Variants in JMJD1C observed in about 807,000 individuals in gnomAD.
The protein encoded by JMJD1C is jumonji domain-containing protein 1C.
In JMJD1C, 31 loss-of-function variants were observed where a neutral mutation model predicts 245.3. The ratio of observed to expected loss-of-function variants is 0.13; its 90% confidence interval spans 0.09 to 0.17. The LOEUF (loss-of-function observed/expected upper bound fraction) is 0.17, where lower values mean the gene tolerates loss of function less well. Among genes scored for constraint, JMJD1C ranks in the 10% least tolerant of loss-of-function variants. The pLI is 1.00. For missense variants in JMJD1C, 2,691 were observed against 3,000.2 expected (o/e 0.90, Z 2.41); for synonymous variants, 1,057 against 1,017.4 (o/e 1.04, Z -0.74).
At chr10:63,253,546 G>C (rs1853406748) in intron 3 of JMJD1C, among the ~76,000 whole-genome samples, 1 of 152,074 alleles carries the variant, frequency 6.6e-6, no homozygotes, top group Admixed American at 6.5e-5. Context: ...ACCATGTCCA[G>C]CTAATTTTTT....
Position 63,193,342 on chromosome 10 carries a change from C to A in JMJD1C, c.5862+3G>T. 1 of 1,584,388 alleles carries A rather than the reference C, an allele frequency of 6.3e-7. No individual in the cohort carries two copies. The highest frequency in any genetic ancestry group is 1.2e-5 in the South Asian group (1 of 85,542). On this transcript the variant is annotated splice_donor_region_variant and intron_variant, in intron 15 of 25. Transcript: ENST00000399262. ...ATTTGAATAACCAGAGATTTTTACT[C>A]ACTTGAGATACACCATTCATTGTAG...
intron 1 of JMJD1C, among the ~76,000 whole-genome samples, chr10:63,429,662 T>C (rs1413112314): frequency 6.6e-6 from 1 of 152,172 alleles, no homozygotes; most frequent in Non-Finnish European, 1.5e-5. Context: ...ATTTGCCAGT[T>C]GAGAAAGCAG....
chr10:63,411,970 T>C (rs1411642216), intron 1 of JMJD1C, among the ~76,000 whole-genome samples: 4 of 148,630 alleles, frequency 2.7e-5, no homozygotes, highest in Non-Finnish European at 6.0e-5. Context: ...AGACTGCTCT[T>C]GAACTCCTGA....
intron 2 of JMJD1C, among the ~76,000 whole-genome samples, chr10:63,355,040 AT>A (rs1170451037): frequency 2.0e-5 from 3 of 152,038 alleles, no homozygotes; most frequent in African/African-American, 7.2e-5. Flanking sequence ...GAATAAACAA[AT>A]AAATAAAGAT....
chr10:63,192,924 T>C lies in JMJD1C; in HGVS notation c.6076+14A>G. On this transcript the variant is annotated intron_variant, in intron 16 of 25. Transcript: ENST00000399262. ...ACTCCTCTCACACATGCCTAGATAA[T>C]CAATTATGTTTACCTTTTTTTTCCT... is the stretch of plus-strand genomic sequence containing the variant. The C allele has an allele frequency of 6.3e-7, 1 of 1,586,304 alleles. No individual in the cohort carries two copies. Among genetic ancestry groups the C allele is most frequent in the African/African-American group, 1.3e-5 (1 of 74,462 alleles).
chr10:63,214,456 T>C lies in JMJD1C; in HGVS notation c.1711A>G (p.Lys571Glu), dbSNP rs771305607. 2 of 1,613,914 alleles carry C rather than the reference T, an allele frequency of 1.2e-6. No individual in the cohort carries two copies. The highest frequency in any genetic ancestry group is 1.7e-6 in the Non-Finnish European group (2 of 1,179,998). The change falls in exon 8 of 26, where the codon AAA becomes GAA. Residue 571 changes from lysine (K) to glutamate (E), a missense_variant. This residue lies in a region of JMJD1C where 1,562 missense variants were observed against 1,490.7 expected (regional missense o/e 1.05). Transcript: ENST00000399262. Reference sequence around the variant, plus strand: ...ACACTTGATTGGGTTAGATCCACTTTAACTACATCACTGACCCAGCTCTGG... The same window carrying C: ...ACACTTGATTGGGTTAGATCCACTTCAACTACATCACTGACCCAGCTCTGG... ...SDQSWVSDVV[K>E]VDLTQSSVTN...
chr10:63,167,339 A>G lies in JMJD1C; in HGVS notation c.*706T>C, dbSNP rs1841949219. 6.6e-6 allele frequency: 1 copy of G among 152,606 alleles called. No homozygotes were observed. Among genetic ancestry groups the G allele is most frequent in the South Asian group, 2.1e-4 (1 of 4,834 alleles). 9.5% of individuals were successfully genotyped at this position (152,606 alleles called of 1,614,324 possible). A position where few individuals can be genotyped will look rare whatever the true frequency, so the allele number is the denominator to read the frequency against. On this transcript the variant is annotated 3_prime_UTR_variant, in exon 26 of 26. Transcript: ENST00000399262. ...GCAAGCCAATGTTTTAAAAAAATACATCATTAAATGTATATATGTATATAT... is the reference window on the plus strand; with the variant it reads ...GCAAGCCAATGTTTTAAAAAAATACGTCATTAAATGTATATATGTATATAT...
intron 1 of JMJD1C, among the ~76,000 whole-genome samples, chr10:63,481,821 G>A (rs1194134325): frequency 6.6e-6 from 1 of 152,170 alleles, no homozygotes; most frequent in Non-Finnish European, 1.5e-5. Context: ...ACAGGAGCTG[G>A]AGGAAGTGGA....
intron 3 of JMJD1C, among the ~76,000 whole-genome samples, chr10:63,256,879 A>T (rs913794208): frequency 5.3e-5 from 8 of 152,228 alleles, no homozygotes; most frequent in African/African-American, 1.2e-4. Context: ...GCATATGAAA[A>T]GTCAGGGAGT....
At chr10:63,454,391 G>A (rs577407213) in intron 1 of JMJD1C, among the ~76,000 whole-genome samples, 1 of 151,898 alleles carries the variant, frequency 6.6e-6, no homozygotes, top group South Asian at 2.1e-4. Context: ...CAGAGTAGCC[G>A]GGATTACAGG....
chr10:63,213,860 A>G lies in JMJD1C; in HGVS notation c.2307T>C (p.Ser769=), dbSNP rs772017551. ...TAATGGTAGGTAATGGAGTTTGACT[A>G]GATGATCCGGCTAGTAAATGGGGTG... is the stretch of plus-strand genomic sequence containing the variant. ...TPAPHLLAGS[S]SQTPLPTINT... The change falls in exon 8 of 26, where the codon TCT becomes TCC. Residue 769 remains serine (S), a synonymous_variant. Transcript: ENST00000399262. 2 of 1,614,138 alleles carry G rather than the reference A, an allele frequency of 1.2e-6. No individual in the cohort carries two copies. The highest frequency in any genetic ancestry group is 1.1e-5 in the South Asian group (1 of 91,080).
chr10:63,228,209 T>TA (rs916393055), intron 3 of JMJD1C, among the ~76,000 whole-genome samples: 8 of 151,974 alleles, frequency 5.3e-5, no homozygotes, highest in South Asian at 2.1e-4. Flanking sequence ...GAAAAGTAGC[T>TA]AAAAAAATAC....
chr10:63,276,423 G>C (rs200963804), intron 2 of JMJD1C, among the ~76,000 whole-genome samples: 1 of 141,766 alleles, frequency 7.1e-6, no homozygotes, highest in African/African-American at 2.7e-5. Flanking sequence ...CCGAGACCCC[G>C]CCACTGCACT....
chr10:63,455,323 T>C (rs1002143098), intron 1 of JMJD1C, among the ~76,000 whole-genome samples: 3 of 152,184 alleles, frequency 2.0e-5, no homozygotes, highest in Non-Finnish European at 4.4e-5. Flanking sequence ...TCAAACATGT[T>C]TCCTCCACAA....
intron 1 of JMJD1C, among the ~76,000 whole-genome samples, chr10:63,408,388 A>G (rs1216155129): frequency 6.6e-6 from 1 of 151,798 alleles, no homozygotes. Flanking sequence ...GGGCCACAGG[A>G]GCAAAACTGT....
At chr10:63,314,126 T>C (rs1939611978) in intron 2 of JMJD1C, among the ~76,000 whole-genome samples, 2 of 152,252 alleles carry the variant, frequency 1.3e-5, no homozygotes, top group Non-Finnish European at 2.9e-5. Context: ...CCAGTTTCAT[T>C]CTTCTACATG....
chr10:63,419,553 C>T (rs1949999282), intron 1 of JMJD1C, among the ~76,000 whole-genome samples: 1 of 151,904 alleles, frequency 6.6e-6, no homozygotes, highest in South Asian at 2.1e-4. Flanking sequence ...GGTTGAAAGG[C>T]CAAGAAATAG....
chr10:63,386,257 T>C (rs562681272), intron 1 of JMJD1C, among the ~76,000 whole-genome samples: 1 of 152,314 alleles, frequency 6.6e-6, no homozygotes, highest in South Asian at 2.1e-4. Context: ...GAATCTGTAC[T>C]GTGGGCTACT....
At chr10:63,487,242 T>G (rs1217948194) in intron 1 of JMJD1C, among the ~76,000 whole-genome samples, 2 of 152,168 alleles carry the variant, frequency 1.3e-5, no homozygotes, top group Admixed American at 1.3e-4. Flanking sequence ...CAGTTGAAAT[T>G]ACAAAATATG....
Sources: allele counts gnomAD v4.1 joint callset (sites outside exome capture counted in the v4.1 genomes callset), GRCh38; gene constraint gnomAD v4.1.1; regional missense constraint gnomAD v4.1.1; transcripts MANE v1.5; gene names NCBI Gene and HGNC (gene_info 2026-07-23, HGNC 2026-07-21).